Variants in TRAPPC9 observed in about 807,000 individuals in gnomAD.
TRAPPC9 encodes the protein trafficking protein particle complex subunit 9, also known as IKK2 binding protein.
TRAPPC9 carries 83 observed loss-of-function variants against 124.0 expected under a neutral mutation model. That is an observed-to-expected ratio of 0.67 (90% CI 0.56 to 0.80). The LOEUF is 0.80. TRAPPC9 is among the 30% of genes least tolerant of loss of function. TRAPPC9 has a pLI of 0.00. For missense variants in TRAPPC9, 1,302 were observed against 1,508.3 expected, an observed-to-expected ratio of 0.86 and a Z score of 2.27; for synonymous variants, 638 against 617.5, an observed-to-expected ratio of 1.03 and a Z score of -0.49.
At chr8:140,127,042 A>G (rs1563781358) in intron 17 of TRAPPC9, among the ~76,000 whole-genome samples, 1 of 152,262 alleles carries the variant, frequency 6.6e-6, no homozygotes, top group East Asian at 1.9e-4. Flanking sequence ...GGGCATCTCT[A>G]ACGTATGTAT....
At chr8:140,368,145 A>G (rs2068175610) in intron 8 of TRAPPC9, among the ~76,000 whole-genome samples, 1 of 152,058 alleles carries the variant, frequency 6.6e-6, no homozygotes, top group Admixed American at 6.6e-5. Flanking sequence ...CTGGACTCAT[A>G]CTGTTGGTGG....
intron 17 of TRAPPC9, among the ~76,000 whole-genome samples, chr8:140,208,594 C>G (rs1174647548): frequency 2.6e-5 from 4 of 152,236 alleles, no homozygotes; most frequent in African/African-American, 9.6e-5. Flanking sequence ...GGAAGACACA[C>G]TGGAAGAGCA....
chr8:140,202,521 A>G (rs1408747069), intron 17 of TRAPPC9, among the ~76,000 whole-genome samples: 1 of 152,246 alleles, frequency 6.6e-6, no homozygotes, highest in African/African-American at 2.4e-5. Flanking sequence ...AATTTACAAT[A>G]AAAGGCCACT....
chr8:139,959,762 C>T (rs1835252843), intron 19 of TRAPPC9, among the ~76,000 whole-genome samples: 2 of 152,182 alleles, frequency 1.3e-5, no homozygotes, highest in African/African-American at 4.8e-5. Context: ...AGGGAGCCAC[C>T]CAGTACCTGG....
intron 21 of TRAPPC9, among the ~76,000 whole-genome samples, chr8:139,781,606 T>G (rs1219829460): frequency 6.6e-6 from 1 of 152,236 alleles, no homozygotes; most frequent in Non-Finnish European, 1.5e-5. Context: ...GAGTGAACCT[T>G]AGTGAAAACT....
At chr8:140,062,468 G>A (rs1214136764) in intron 17 of TRAPPC9, among the ~76,000 whole-genome samples, 1 of 151,946 alleles carries the variant, frequency 6.6e-6, no homozygotes, top group Non-Finnish European at 1.5e-5. Flanking sequence ...GCAGCCCCAG[G>A]GCCTTTACTC....
At chr8:140,006,001 T>C (rs1050278949) in intron 18 of TRAPPC9, among the ~76,000 whole-genome samples, 10 of 151,136 alleles carry the variant, frequency 6.6e-5, no homozygotes, top group Admixed American at 4.6e-4. Flanking sequence ...ACAGAAATAA[T>C]TGAAGGAAGA....
chr8:140,035,804 T>G (rs1379049307), intron 17 of TRAPPC9, among the ~76,000 whole-genome samples: 3 of 152,158 alleles, frequency 2.0e-5, no homozygotes, highest in Non-Finnish European at 4.4e-5. Context: ...TTCGATGCCT[T>G]GCTCCACGTG....
At chr8:140,389,246 C>T (rs1187868688) in intron 7 of TRAPPC9, among the ~76,000 whole-genome samples, 4 of 152,136 alleles carry the variant, frequency 2.6e-5, no homozygotes, top group South Asian at 2.1e-4. Flanking sequence ...CGTGAGCCAC[C>T]GTGCCTGGCA....
At chr8:140,364,628 T>G (rs902027894) in intron 8 of TRAPPC9, among the ~76,000 whole-genome samples, 2 of 152,196 alleles carry the variant, frequency 1.3e-5, no homozygotes, top group East Asian at 3.9e-4. Context: ...TCACCCAGGC[T>G]CGAGTGCAGT....
At chr8:139,891,415 TC>T (rs764204565) in intron 20 of TRAPPC9, among the ~76,000 whole-genome samples, 1 of 152,220 alleles carries the variant, frequency 6.6e-6, no homozygotes, top group African/African-American at 2.4e-5. Context: ...CACTTCACCC[TC>T]CCTACAGTCT....
At position 140,275,822 on chromosome 8, in the gene TRAPPC9, C is replaced by T; in HGVS notation, c.2115-1G>A. ...AGAAGGTTGCAATGAATGTGCAGAT[C>T]TAAAATAAGAAGAAGAAATTTAAAG... On this transcript the variant is annotated splice_acceptor_variant, in intron 14 of 22. Coordinates refer to ENST00000438773, the MANE Select transcript of TRAPPC9 (RefSeq NM_001160372.4). LOFTEE classifies it high-confidence loss of function. 1 of 1,609,930 alleles carries T rather than the reference C, an allele frequency of 6.2e-7. No homozygotes were observed. Among genetic ancestry groups the T allele is most frequent in the Non-Finnish European group, 8.5e-7 (1 of 1,176,424 alleles).
intron 21 of TRAPPC9, among the ~76,000 whole-genome samples, chr8:139,762,114 G>C (rs1820276453): frequency 6.6e-6 from 1 of 151,702 alleles, no homozygotes; most frequent in East Asian, 2.0e-4. Context: ...TGCAGCCCGA[G>C]TGAGGGCCTG....
At chr8:140,450,697 C>T (rs1305428515) in intron 2 of TRAPPC9, 93 bp downstream of exon 2, 6 of 998,070 alleles carry the variant, frequency 6.0e-6, no homozygotes, top group South Asian at 1.4e-5. Flanking sequence ...ATGGACAACA[C>T]CTTTCTACTC....
At chr8:140,176,217 C>T (rs2062067938) in intron 17 of TRAPPC9, among the ~76,000 whole-genome samples, 1 of 152,050 alleles carries the variant, frequency 6.6e-6, no homozygotes, top group South Asian at 2.1e-4. Context: ...TATGCAAAAC[C>T]ACCCCTAATA....
At chr8:140,139,250 C>T (rs573334545) in intron 17 of TRAPPC9, among the ~76,000 whole-genome samples, 4 of 152,278 alleles carry the variant, frequency 2.6e-5, no homozygotes, top group Admixed American at 2.6e-4. Context: ...CCTGGCCTGG[C>T]ACATTCCTAT....
intron 17 of TRAPPC9, among the ~76,000 whole-genome samples, chr8:140,210,617 C>T (rs918539958): frequency 1.1e-4 from 17 of 152,254 alleles, no homozygotes; most frequent in South Asian, 4.1e-4. Context: ...CACCCCCTTT[C>T]CCACCCAGCA....
intron 20 of TRAPPC9, among the ~76,000 whole-genome samples, chr8:139,890,673 C>T (rs1284650956): frequency 6.6e-6 from 1 of 152,138 alleles, no homozygotes; most frequent in Non-Finnish European, 1.5e-5. Context: ...CTCCTGGAAA[C>T]ATCTGTTCTC....
chr8:139,843,613 G>C (rs1224261013), intron 21 of TRAPPC9, among the ~76,000 whole-genome samples: 1 of 152,198 alleles, frequency 6.6e-6, no homozygotes, highest in Non-Finnish European at 1.5e-5. Flanking sequence ...AAAAGTGAAA[G>C]AGAGAGGTAG....
Sources: allele counts gnomAD v4.1 joint callset (sites outside exome capture counted in the v4.1 genomes callset), GRCh38; gene constraint gnomAD v4.1.1; transcripts MANE v1.5; gene names NCBI Gene and HGNC (gene_info 2026-07-23, HGNC 2026-07-21).